Variants in WDFY4 observed in about 807,000 individuals in gnomAD.
WDFY4 encodes WDFY family member 4, also known as WD repeat- and FYVE domain-containing protein 4.
WDFY4 carries 169 observed loss-of-function variants against 351.9 expected under a neutral mutation model. The ratio of observed to expected loss-of-function variants is 0.48; its 90% CI spans 0.42 to 0.55. WDFY4 has a LOEUF of 0.55. WDFY4 is among the 20% of genes least tolerant of loss of function. WDFY4 has a pLI of 0.00. For missense variants in WDFY4, 3,803 were observed against 3,935.6 expected (o/e 0.97, Z 0.90); for synonymous variants, 1,622 against 1,574.6 (o/e 1.03, Z -0.71).
intron 1 of WDFY4, among the ~76,000 whole-genome samples, chr10:48,699,066 G>A (rs761312291): frequency 3.3e-5 from 5 of 152,182 alleles, no homozygotes; most frequent in East Asian, 1.9e-4. Context: ...CCCCTGCCAC[G>A]TCTCCATTTC....
At chr10:48,729,617 G>C in intron 8 of WDFY4, 28 bp downstream of exon 8, 1 of 1,550,202 alleles carries the variant, frequency 6.5e-7, no homozygotes, top group South Asian at 1.2e-5. Context: ...CTGGGTGACC[G>C]GAAGAGTCAG....
In WDFY4 at chr10:48,913,362, C is replaced by T. The variant is rs80176262; in HGVS notation, c.7586+11499C>T. 8.8e-5 allele frequency: 140 copies of T among 1,594,248 alleles called. No homozygotes were observed. In the African/African-American group the frequency reaches 1.7e-3, roughly 20 times the overall value. ...CCCTCTTCCCTCCCTCTCTCTTTCCCTTCTGCCTCAGGGTCAGGTTCCAAG... is the reference window on the plus strand; with the variant it reads ...CCCTCTTCCCTCCCTCTCTCTTTCCTTTCTGCCTCAGGGTCAGGTTCCAAG... On this transcript the variant is annotated intron_variant, in intron 47 of 61. Transcript: ENST00000325239.
chr10:48,883,048 C>A (rs933227630), intron 43 of WDFY4, among the ~76,000 whole-genome samples: 1 of 152,220 alleles, frequency 6.6e-6, no homozygotes. Flanking sequence ...GTTACATAAC[C>A]TTTCCAGCAC....
chr10:48,745,968 G>T (rs2065001457), intron 12 of WDFY4: 1 of 189,524 alleles, frequency 5.3e-6, no homozygotes, highest in Non-Finnish European at 1.1e-5. Flanking sequence ...TGCGGAAGAA[G>T]GCCGGGTACT....
chr10:48,866,269 G>A, intron 39 of WDFY4, among the ~76,000 whole-genome samples: 1 of 151,832 alleles, frequency 6.6e-6, no homozygotes, highest in East Asian at 1.9e-4. Flanking sequence ...TAGCCTACGT[G>A]TTTTGGTATG....
At chr10:48,723,939 G>T (rs1048283454) in intron 5 of WDFY4, among the ~76,000 whole-genome samples, 1 of 151,952 alleles carries the variant, frequency 6.6e-6, no homozygotes, top group Non-Finnish European at 1.5e-5. Context: ...GTGGGGCTGG[G>T]ATTGGCACCC....
intron 47 of WDFY4, among the ~76,000 whole-genome samples, chr10:48,931,632 T>C (rs1039930318): frequency 1.4e-4 from 21 of 152,212 alleles, no homozygotes; most frequent in Admixed American, 8.5e-4. Context: ...TTCAGGTTAG[T>C]GGAGAAAAAG....
chr10:48,880,257 G>C (rs2070192192), intron 43 of WDFY4, among the ~76,000 whole-genome samples: 1 of 152,180 alleles, frequency 6.6e-6, no homozygotes, highest in Non-Finnish European at 1.5e-5. Flanking sequence ...GCAGCCTGCA[G>C]GTGCCTTTGA....
chr10:48,858,328 C>T (rs763078258), intron 39 of WDFY4, among the ~76,000 whole-genome samples: 3 of 152,154 alleles, frequency 2.0e-5, no homozygotes, highest in South Asian at 2.1e-4. Flanking sequence ...AAGATTTTTT[C>T]CTAAAATATG....
chr10:48,947,821 T>C (rs1251629154), intron 51 of WDFY4, among the ~76,000 whole-genome samples: 3 of 152,124 alleles, frequency 2.0e-5, no homozygotes, highest in African/African-American at 7.2e-5. Flanking sequence ...CTAAAGAGAA[T>C]ATAGCACAGG....
At chr10:48,967,749 A>G (rs913915687) in intron 55 of WDFY4, 3 of 152,288 alleles carry the variant, frequency 2.0e-5, no homozygotes, top group African/African-American at 7.2e-5. Context: ...TGCCAGTGTC[A>G]TCTGAGGACA....
chr10:48,830,957 C>G, intron 38 of WDFY4, 72 bp downstream of exon 38: 1 of 1,463,716 alleles, frequency 6.8e-7, no homozygotes, highest in African/African-American at 1.4e-5. Context: ...CAAGGTTCAA[C>G]TCAGTGCCTA....
chr10:48,788,398 A>G (rs2066565856), intron 20 of WDFY4, 132 bp from the exon 21 acceptor site: 1 of 1,130,886 alleles, frequency 8.8e-7, no homozygotes, highest in South Asian at 1.6e-5. Context: ...GTGCAAAAAC[A>G]TGCAATGTGA....
intron 25 of WDFY4, chr10:48,804,628 T>G: frequency 1.3e-6 from 1 of 780,726 alleles, no homozygotes; most frequent in Non-Finnish European, 1.6e-6. Context: ...CTCCTCCACA[T>G]TTTTCTCCAC....
intron 11 of WDFY4, among the ~76,000 whole-genome samples, chr10:48,737,612 A>T (rs2064714424): frequency 6.6e-6 from 1 of 152,216 alleles, no homozygotes; most frequent in Non-Finnish European, 1.5e-5. Flanking sequence ...TCATGACCAT[A>T]ATCATCATGT....
At chr10:48,955,447 C>T (rs1313543680) in intron 51 of WDFY4, among the ~76,000 whole-genome samples, 1 of 152,172 alleles carries the variant, frequency 6.6e-6, no homozygotes, top group Non-Finnish European at 1.5e-5. Context: ...TGGTAGGTTC[C>T]CCCCTCTCAG....
chr10:48,743,067 TC>T lies in WDFY4; in HGVS notation c.1981del (p.Leu661SerfsTer124). ...LLSLLSDLEG[S>X]LQEPPLQAWG... The stretch of plus-strand genomic sequence containing the variant: ...GTCTCTGCTCTCTGACCTGGAAGGC[TC>T]CCTCCAGGAGCCCCCGCTGCAGGCA... On this transcript the variant is annotated frameshift_variant, in exon 12 of 62. Transcript: ENST00000325239. LOFTEE classifies it high-confidence loss of function. 6.4e-7 allele frequency: 1 copy of T among 1,551,582 alleles called. No homozygotes were observed. The highest frequency in any genetic ancestry group is 8.7e-7 in the Non-Finnish European group (1 of 1,146,978).
chr10:48,974,639 C>T (rs1842487893), intron 57 of WDFY4, among the ~76,000 whole-genome samples: 2 of 151,478 alleles, frequency 1.3e-5, no homozygotes, highest in Admixed American at 6.6e-5. Context: ...TGGTTTCTCC[C>T]CAGCAGAGCC....
rs1339625166 is a variant in WDFY4, at chr10:48,850,898, A to G, written c.6664-16367A>G. On this transcript the variant is annotated intron_variant, in intron 39 of 61. Transcript: ENST00000325239. ...CTACCTATAGGAATAAAGGCCTGGA[A>G]ATATTTGACAAACAATACTAATGGC... Among the ~76,000 whole-genome samples the G allele has an allele frequency of 2.6e-5, 4 of 152,370 alleles. No homozygotes were observed. The East Asian group carries it at 7.7e-4, about 29-fold the overall frequency.
Sources: allele counts gnomAD v4.1 joint callset (sites outside exome capture counted in the v4.1 genomes callset), GRCh38; gene constraint gnomAD v4.1.1; transcripts MANE v1.5; gene names NCBI Gene and HGNC (gene_info 2026-07-23, HGNC 2026-07-21).